The following ZFHX3 variants were observed in gnomAD, a reference collection of about 807,000 sequenced individuals.
The protein encoded by ZFHX3 is zinc finger homeobox protein 3.
In ZFHX3, 42 loss-of-function variants were observed where a neutral mutation model predicts 279.1. That is an observed-to-expected ratio of 0.15 (90% confidence interval 0.12 to 0.19). The LOEUF (loss-of-function observed/expected upper bound fraction) is 0.19, where lower values mean the gene tolerates loss of function less well. ZFHX3 is among the 10% of genes least tolerant of loss of function. The pLI is 1.00. For synonymous variants in ZFHX3, 2,293 were observed against 1,957.8 expected (o/e 1.17, Z -4.52); for missense variants, 4,981 against 4,754.0 (o/e 1.05, Z -1.40).
chr16:73,242,106 T>C (rs1211731996), intron 5 of ZFHX3, among the ~76,000 whole-genome samples: 1 of 152,090 alleles, frequency 6.6e-6, no homozygotes, highest in Non-Finnish European at 1.5e-5. Context: ...ATCTGACTTT[T>C]TGGGCATATT....
chr16:73,049,505 G>A (rs767502378), upstream of ZFHX3, among the ~76,000 whole-genome samples: 12 of 152,208 alleles, frequency 7.9e-5, no homozygotes, highest in Non-Finnish European at 1.6e-4. Context: ...TGTAAGTTGG[G>A]TTCAGATTAA....
chr16:72,902,785 G>A (rs1222716549), intron 3 of ZFHX3, among the ~76,000 whole-genome samples: 1 of 152,108 alleles, frequency 6.6e-6, no homozygotes, highest in African/African-American at 2.4e-5. Context: ...CTGACGGGGG[G>A]CTGAGGAGCC....
rs9940289 is a variant in ZFHX3, at chr16:73,010,040, A to C, written c.-50+37712T>G. On this transcript the variant is annotated intron_variant, in intron 1 of 9. Transcript: ENST00000268489. Reference sequence around the variant, plus strand: ...CCTCTCAAAGAAAAAAAAAAAAAAAAAAACTCATAAAGGTACACAGCACCT... The same window carrying C: ...CCTCTCAAAGAAAAAAAAAAAAAAACAAACTCATAAAGGTACACAGCACCT... Among the ~76,000 whole-genome samples the C allele has an allele frequency of 8.0e-3, 1,215 of 151,036 alleles. 25 individuals are homozygous for C. Among genetic ancestry groups the C allele is most frequent in the African/African-American group, 0.028 (1,128 of 40,806 alleles).
At chr16:72,868,167 G>C (rs1449365564) in intron 4 of ZFHX3, among the ~76,000 whole-genome samples, 1 of 152,220 alleles carries the variant, frequency 6.6e-6, no homozygotes, top group African/African-American at 2.4e-5. Context: ...GTAATTGGGT[G>C]CAAGGGTCAG....
At chr16:73,308,396 G>T (rs7189988) in intron 4 of ZFHX3, among the ~76,000 whole-genome samples, 1 of 151,032 alleles carries the variant, frequency 6.6e-6, no homozygotes, top group South Asian at 2.1e-4. Flanking sequence ...TGCCACCTCC[G>T]CCTCCTGCCT....
At chr16:73,867,015 T>TTGGGC (rs1368926106) in intron 1 of ZFHX3, among the ~76,000 whole-genome samples, 1 of 152,082 alleles carries the variant, frequency 6.6e-6, no homozygotes, top group Non-Finnish European at 1.5e-5. Flanking sequence ...CGTCTTGTGC[T>TTGGGC]TGGGCTGGGC....
chr16:73,111,657 AGGAAGG>A, intron 7 of ZFHX3, among the ~76,000 whole-genome samples: 1 of 67,862 alleles, frequency 1.5e-5, no homozygotes, highest in South Asian at 4.5e-4. Flanking sequence ...AGAGGAAGGA[AGGAAGG>A]AGAGAGCGAA....
chr16:72,801,526 A>T (rs1336014384), intron 7 of ZFHX3, among the ~76,000 whole-genome samples: 1 of 152,140 alleles, frequency 6.6e-6, no homozygotes, highest in Non-Finnish European at 1.5e-5. Context: ...CATCACACTT[A>T]GGGGTATTAG....
intron 2 of ZFHX3, among the ~76,000 whole-genome samples, chr16:73,523,555 G>C (rs1028101006): frequency 1.3e-5 from 2 of 151,746 alleles, no homozygotes; most frequent in Non-Finnish European, 2.9e-5. Flanking sequence ...CCTCACCCTG[G>C]ATCCTTGGCA....
chr16:73,877,209 G>GA (rs1382634725), intron 1 of ZFHX3, among the ~76,000 whole-genome samples: 1 of 141,934 alleles, frequency 7.0e-6, no homozygotes, highest in South Asian at 2.5e-4. Flanking sequence ...GGTCGGGGGG[G>GA]GGTCCCAGGC....
Position 73,221,188 on chromosome 16 carries a change from T to G in ZFHX3, c.-1104+35859A>C, listed in dbSNP as rs113275894. Among the ~76,000 whole-genome samples the G allele has an allele frequency of 5.0e-3, 765 of 152,294 alleles. 6 individuals carry two copies. The highest frequency in any genetic ancestry group is 0.024 in the Middle Eastern group (7 of 294). ...TAGAAGACTGAGCTTGAGAATGTGCTTTTCTATATATTATACCACGTCTTA... is the reference window on the plus strand; with the variant it reads ...TAGAAGACTGAGCTTGAGAATGTGCGTTTCTATATATTATACCACGTCTTA... On this transcript the variant is annotated intron_variant, in intron 5 of 17. Coordinates refer to the ZFHX3 transcript ENST00000641206.
intron 1 of ZFHX3, among the ~76,000 whole-genome samples, chr16:73,842,982 C>G (rs966021683): frequency 6.6e-6 from 1 of 152,220 alleles, no homozygotes; most frequent in African/African-American, 2.4e-5. Flanking sequence ...CACTGTTCAA[C>G]CTGGACAAGT....
intron 3 of ZFHX3, among the ~76,000 whole-genome samples, chr16:73,319,376 G>A (rs2015525212): frequency 6.6e-6 from 1 of 151,992 alleles, no homozygotes; most frequent in Non-Finnish European, 1.5e-5. Context: ...AACCAGCACA[G>A]GTTACTTGGC....
intron 1 of ZFHX3, among the ~76,000 whole-genome samples, chr16:72,963,147 C>A (rs755725381): frequency 6.6e-6 from 1 of 152,128 alleles, no homozygotes; most frequent in Non-Finnish European, 1.5e-5. Context: ...AGTGGGTCCC[C>A]GCACTTTTCC....
chr16:73,554,215 T>G (rs1459661387), intron 2 of ZFHX3: 2 of 152,186 alleles, frequency 1.3e-5, no homozygotes, highest in African/African-American at 2.4e-5. Context: ...TCAAATAAGA[T>G]TAAAGCAAAG....
intron 1 of ZFHX3, among the ~76,000 whole-genome samples, chr16:73,753,152 A>G (rs1490324460): frequency 6.6e-6 from 1 of 152,144 alleles, no homozygotes; most frequent in Non-Finnish European, 1.5e-5. Flanking sequence ...TGTGTTCCAT[A>G]AGCTACATTC....
At chr16:72,994,193 A>C (rs976395412) in intron 1 of ZFHX3, among the ~76,000 whole-genome samples, 15 of 152,264 alleles carry the variant, frequency 9.9e-5, no homozygotes, top group African/African-American at 3.4e-4. Context: ...TTTAGAAAAT[A>C]CAAGTGAATT....
chr16:73,660,140 C>T (rs901856567), intron 2 of ZFHX3, among the ~76,000 whole-genome samples: 11 of 152,204 alleles, frequency 7.2e-5, no homozygotes, highest in Non-Finnish European at 1.2e-4. Flanking sequence ...AAATTTAGGA[C>T]GAACTAGGGA....
chr16:73,703,229 G>C (rs2053268410), intron 1 of ZFHX3, among the ~76,000 whole-genome samples: 1 of 151,994 alleles, frequency 6.6e-6, no homozygotes, highest in Non-Finnish European at 1.5e-5. Context: ...TAAATTGGAA[G>C]GGTGCCTCCC....
Sources: allele counts gnomAD v4.1 joint callset (sites outside exome capture counted in the v4.1 genomes callset), GRCh38; gene constraint gnomAD v4.1.1; transcripts MANE v1.5; gene names NCBI Gene and HGNC (gene_info 2026-07-23, HGNC 2026-07-21).